Variants in CHODL observed in about 807,000 individuals in gnomAD.
The protein encoded by CHODL is chondrolectin, also known as transmembrane protein MT75.
CHODL carries 29 observed loss-of-function variants against 34.5 expected under a neutral mutation model. The ratio of observed to expected loss-of-function variants is 0.84; its 90% CI spans 0.63 to 1.15. The LOEUF is 1.15. Ranked by LOEUF, CHODL falls within the 50% of genes most tolerant of loss-of-function variation. The pLI, the probability that CHODL is intolerant of heterozygous loss-of-function variation, is 0.00. For synonymous variants in CHODL, 125 were observed against 116.1 expected (o/e 1.08, Z -0.49); for missense variants, 332 against 332.5 (o/e 1.00, Z 0.01).
chr21:17,950,620 A>G (rs2063449265), intron 1 of CHODL, among the ~76,000 whole-genome samples: 1 of 152,128 alleles, frequency 6.6e-6, no homozygotes, highest in South Asian at 2.1e-4. Flanking sequence ...TTCCAATGTC[A>G]GGTAGAACTA....
rs2064252435 is a variant in CHODL, at chr21:18,031,883, A to T, written c.-45+3912A>T. Among the ~76,000 whole-genome samples, 4 of 152,120 alleles carry T rather than the reference A, an allele frequency of 2.6e-5. No individual in the cohort carries two copies. In the South Asian group the frequency reaches 8.3e-4, roughly 31 times the overall value. On this transcript the variant is annotated intron_variant, in intron 2 of 6. Coordinates refer to the CHODL transcript ENST00000400127. ...ATTACCTTTGAGAAAAAACAAGTAT[A>T]TGCTGTGAACCTTCATCCTAGGATT...
Position 18,177,745 on chromosome 21 carries a change from C to G in CHODL, c.-44-78764C>G, listed in dbSNP as rs530030957. On this transcript the variant is annotated intron_variant, in intron 2 of 6. Transcript: ENST00000400127. ...TAAGATTTACTTAATGTTATATTAT[C>G]TACTTGACAACATTAATGAATTATT... Among the ~76,000 whole-genome samples the G allele has an allele frequency of 2.6e-5, 4 of 152,194 alleles. No homozygotes were observed. In the East Asian group the frequency reaches 7.7e-4, roughly 29 times the overall value.
intron 1 of CHODL, among the ~76,000 whole-genome samples, chr21:17,936,728 A>C (rs1185619583): frequency 6.6e-6 from 1 of 152,228 alleles, no homozygotes; most frequent in East Asian, 1.9e-4. Flanking sequence ...TGTGACTGAG[A>C]ACATACACGG....
intron 2 of CHODL, among the ~76,000 whole-genome samples, chr21:18,035,427 T>C (rs1403915281): frequency 6.6e-6 from 1 of 152,058 alleles, no homozygotes; most frequent in Non-Finnish European, 1.5e-5. Context: ...GAATATCATC[T>C]GCCTTGGTGT....
chr21:18,132,230 T>C (rs2072664861), intron 2 of CHODL, among the ~76,000 whole-genome samples: 1 of 151,818 alleles, frequency 6.6e-6, no homozygotes, highest in Non-Finnish European at 1.5e-5. Flanking sequence ...AACAAGAAAA[T>C]AGAAAAAAAA....
chr21:18,168,739 G>T (rs1394465783), intron 2 of CHODL, among the ~76,000 whole-genome samples: 2 of 152,040 alleles, frequency 1.3e-5, no homozygotes, highest in Non-Finnish European at 2.9e-5. Context: ...TGACTTTCTT[G>T]ATGTCTTTTG....
intron 2 of CHODL, among the ~76,000 whole-genome samples, chr21:18,095,886 G>A (rs2065133482): frequency 6.6e-6 from 1 of 152,194 alleles, no homozygotes; most frequent in Admixed American, 6.6e-5. Context: ...CATCTCAAGA[G>A]AATGAGGAAC....
chr21:18,084,661 C>G lies in CHODL; in HGVS notation c.-45+56690C>G, dbSNP rs571467883. Among the ~76,000 whole-genome samples the G allele has an allele frequency of 3.9e-5, 6 of 152,094 alleles. No homozygotes were observed. The South Asian group carries it at 8.3e-4, about 21-fold the overall frequency. On this transcript the variant is annotated intron_variant, in intron 2 of 6. Coordinates refer to the CHODL transcript ENST00000400127. ...ATACAATTTTGATTTTAAAAAAAAA[C>G]TTTAAGACTTGTTTTATGGCCTAAT...
At chr21:18,265,190 TATACAC>T (rs926946407) in intron 5 of CHODL, among the ~76,000 whole-genome samples, 1 of 146,152 alleles carries the variant, frequency 6.8e-6, no homozygotes, top group African/African-American at 2.7e-5. Context: ...TATATATATA[TATACAC>T]ACACACACAC....
At chr21:18,237,583 TA>T in intron 2 of CHODL, among the ~76,000 whole-genome samples, 1 of 152,254 alleles carries the variant, frequency 6.6e-6, no homozygotes, top group East Asian at 1.9e-4. Context: ...TTGCAGTTCT[TA>T]TTATACATCC....
chr21:18,033,303 G>T (rs1226038567), intron 2 of CHODL, among the ~76,000 whole-genome samples: 3 of 152,050 alleles, frequency 2.0e-5, no homozygotes, highest in Admixed American at 2.0e-4. Flanking sequence ...GTAGGGATAA[G>T]GACAGAGGCA....
rs1290310290 is a variant in CHODL, at chr21:18,188,732, T to C, written c.-44-67777T>C. ...TATGGACACCCAACTTTCATATTTG[T>C]TATTGTGTGTCAACCTAAATAATAG... On this transcript the variant is annotated intron_variant, in intron 2 of 6. Coordinates refer to the CHODL transcript ENST00000400127. Among the ~76,000 whole-genome samples, 4 of 152,204 alleles carry C rather than the reference T, an allele frequency of 2.6e-5. No homozygotes were observed. The East Asian group carries it at 7.7e-4, about 29-fold the overall frequency.
rs563515191 is a variant in CHODL at position 18,068,613 on chromosome 21, C to T, written c.-45+40642C>T. Among the ~76,000 whole-genome samples, 4 of 152,250 alleles carry T rather than the reference C, an allele frequency of 2.6e-5. No individual in the cohort carries two copies. The South Asian group carries it at 8.3e-4, about 32-fold the overall frequency. The stretch of plus-strand genomic sequence containing the variant: ...CCTATTCTCACCTGGAAAGTGCTCT[C>T]GTAGATGTTCCCAAGTTGAATCGAC... On this transcript the variant is annotated intron_variant, in intron 2 of 6. Transcript: ENST00000400127.
intron 1 of CHODL, among the ~76,000 whole-genome samples, chr21:17,923,854 G>A (rs1049581714): frequency 2.6e-5 from 4 of 152,188 alleles, no homozygotes; most frequent in Non-Finnish European, 5.9e-5. Flanking sequence ...AACTACTCAT[G>A]TGGAACTAGA....
intron 2 of CHODL, among the ~76,000 whole-genome samples, chr21:18,085,680 C>T (rs753377736): frequency 6.6e-6 from 1 of 152,154 alleles, no homozygotes; most frequent in Non-Finnish European, 1.5e-5. Flanking sequence ...AAATGTCATT[C>T]CATTCTCTTC....
chr21:18,016,367 G>C (rs1425728549), intron 1 of CHODL, among the ~76,000 whole-genome samples: 1 of 152,192 alleles, frequency 6.6e-6, no homozygotes, highest in East Asian at 1.9e-4. Flanking sequence ...ATGTGGTATT[G>C]GTCCTGTGGG....
At chr21:17,950,339 G>C (rs1490330420) in intron 1 of CHODL, among the ~76,000 whole-genome samples, 1 of 151,862 alleles carries the variant, frequency 6.6e-6, no homozygotes, top group African/African-American at 2.4e-5. Flanking sequence ...GTACAAAATA[G>C]ATGGAGATTA....
At chr21:17,945,754 A>G (rs2063402228) in intron 1 of CHODL, among the ~76,000 whole-genome samples, 1 of 152,232 alleles carries the variant, frequency 6.6e-6, no homozygotes, top group Non-Finnish European at 1.5e-5. Flanking sequence ...AAAGCATGGA[A>G]GTCCTTGTCA....
rs545038227 is a variant in CHODL at position 18,223,112 on chromosome 21, G to A, written c.-44-33397G>A. ...AAATGATCCAGTGACTAGGAGGTAT[G>A]TAATAACATAAGTGGGAAAAACTGA... On this transcript the variant is annotated intron_variant, in intron 2 of 6. Transcript: ENST00000400127. Among the ~76,000 whole-genome samples, 7 of 152,254 alleles carry A rather than the reference G, an allele frequency of 4.6e-5. No homozygotes were observed. The South Asian group carries it at 1.2e-3, about 27-fold the overall frequency.
Sources: allele counts gnomAD v4.1 joint callset (sites outside exome capture counted in the v4.1 genomes callset), GRCh38; gene constraint gnomAD v4.1.1; transcripts MANE v1.5; gene names NCBI Gene and HGNC (gene_info 2026-07-23, HGNC 2026-07-21).